Variants in KLHL29 observed in about 807,000 individuals in gnomAD.
The protein encoded by KLHL29 is kelch like family member 29.
In KLHL29, 21 loss-of-function variants were observed where a neutral mutation model predicts 80.4. The ratio of observed to expected loss-of-function variants is 0.26; its 90% CI spans 0.19 to 0.38. The LOEUF is 0.38. KLHL29 is among the 10% of genes least tolerant of loss of function. The pLI is 1.00. For synonymous variants in KLHL29, 511 were observed against 526.8 expected (o/e 0.97, Z 0.41); for missense variants, 867 against 1,223.9 (o/e 0.71, Z 4.35).
chr2:23,397,868 A>G (rs1269607694), intron 1 of KLHL29, among the ~76,000 whole-genome samples: 1 of 152,252 alleles, frequency 6.6e-6, no homozygotes, highest in East Asian at 1.9e-4. Flanking sequence ...GATGCTCCAC[A>G]TCACTAATCA....
At chr2:23,641,181 C>T (rs1033528092) in intron 4 of KLHL29, among the ~76,000 whole-genome samples, 12 of 152,208 alleles carry the variant, frequency 7.9e-5, no homozygotes, top group Admixed American at 5.2e-4. Context: ...GTTTCCCTCA[C>T]AGGCCCCCTT....
chr2:23,692,552 A>G (rs983969612), intron 7 of KLHL29, among the ~76,000 whole-genome samples: 1 of 152,250 alleles, frequency 6.6e-6, no homozygotes, highest in Non-Finnish European at 1.5e-5. Flanking sequence ...CCGTGAGGAC[A>G]GAGGGGCACC....
chr2:23,410,780 G>T (rs530894591), intron 1 of KLHL29, among the ~76,000 whole-genome samples: 1 of 152,146 alleles, frequency 6.6e-6, no homozygotes, highest in Non-Finnish European at 1.5e-5. Context: ...GCTGAGTCAA[G>T]AATGGAGGTA....
rs1663313173 is a variant in KLHL29, at chr2:23,435,521, T to C, written c.-153-40039T>C. On this transcript the variant is annotated intron_variant, in intron 1 of 13. Coordinates refer to ENST00000486442, the MANE Select transcript of KLHL29 (RefSeq NM_052920.2). ...ACAAAGAATCCACAGGGCTGGGGAATGGTTTGGGTGACATGATGAAGGGGA... is the reference window on the plus strand; with the variant it reads ...ACAAAGAATCCACAGGGCTGGGGAACGGTTTGGGTGACATGATGAAGGGGA... 3.9e-5 allele frequency among the ~76,000 whole-genome samples: 6 copies of C among 152,114 alleles called. 1 individual carries two copies. The South Asian group carries it at 1.2e-3, about 32-fold the overall frequency.
rs1260818101 is a variant in KLHL29 at position 23,681,507 on chromosome 2, A to G, written c.941-2892A>G. Among the ~76,000 whole-genome samples the G allele has an allele frequency of 6.6e-6, 1 of 152,176 alleles. No homozygotes were observed. The highest frequency in any genetic ancestry group is 1.5e-5 in the Non-Finnish European group (1 of 68,026). On this transcript the variant is annotated intron_variant, in intron 5 of 13. Coordinates refer to ENST00000486442, the MANE Select transcript of KLHL29 (RefSeq NM_052920.2). This position sits in a 1 kb window ranked among gnomAD's most constrained non-coding sequence, Gnocchi z 4.2. ...CCCTCAGGATGCCTCGGGCCCAGAA[A>G]GAGTAGGCATTTGTGTGCTGTTGTG...
rs901378031 is a variant in KLHL29 at position 23,647,518 on chromosome 2, T to C, written c.940+4668T>C. Among the ~76,000 whole-genome samples the C allele has an allele frequency of 6.6e-6, 1 of 152,152 alleles. No individual in the cohort carries two copies. The highest frequency in any genetic ancestry group is 2.4e-5 in the African/African-American group (1 of 41,424). ...TCTGAAAACTCAATCGATTCAGGTT[T>C]CTACATATGTCCTCTGCTCTTCTGT... On this transcript the variant is annotated intron_variant, in intron 5 of 13. Transcript: ENST00000486442. This position sits in a 1 kb window ranked among gnomAD's most constrained non-coding sequence, Gnocchi z 4.9.
chr2:23,552,394 A>T (rs980032571), intron 2 of KLHL29, among the ~76,000 whole-genome samples: 1 of 152,180 alleles, frequency 6.6e-6, no homozygotes, highest in Non-Finnish European at 1.5e-5. Context: ...TTGTACATCA[A>T]TCACACCTCA....
At chr2:23,487,555 T>C (rs1274005795) in intron 2 of KLHL29, among the ~76,000 whole-genome samples, 2 of 152,076 alleles carry the variant, frequency 1.3e-5, no homozygotes, top group African/African-American at 2.4e-5. Flanking sequence ...GCTCCTCCTC[T>C]CCTGCCATGC....
intron 2 of KLHL29, among the ~76,000 whole-genome samples, chr2:23,545,155 C>G (rs1037280099): frequency 3.5e-4 from 53 of 152,156 alleles, no homozygotes; most frequent in Non-Finnish European, 1.8e-4. Context: ...AGCTGCCAGC[C>G]GAGGAGGCTG....
In KLHL29 at chr2:23,682,258, C is replaced by T. The variant is rs1038889263; in HGVS notation, c.941-2141C>T. The stretch of plus-strand genomic sequence containing the variant: ...CAGCAGCACTGCACACTCCCACCCG[C>T]TGAGCGCTCCCTGTGTGCCCGCCAC... On this transcript the variant is annotated intron_variant, in intron 5 of 13. Coordinates refer to ENST00000486442, the MANE Select transcript of KLHL29 (RefSeq NM_052920.2). This position sits in a 1 kb window ranked among gnomAD's most constrained non-coding sequence, Gnocchi z 4.1. 6.6e-6 allele frequency among the ~76,000 whole-genome samples: 1 copy of T among 152,346 alleles called. No homozygotes were observed. Among genetic ancestry groups the T allele is most frequent in the Middle Eastern group, 3.4e-3 (1 of 294 alleles).
At chr2:23,456,258 G>C (rs1355961726) in intron 1 of KLHL29, among the ~76,000 whole-genome samples, 1 of 152,182 alleles carries the variant, frequency 6.6e-6, no homozygotes, top group Non-Finnish European at 1.5e-5. Context: ...TAGCTGGAGG[G>C]GGCCAAGGCA....
chr2:23,486,445 C>T lies in KLHL29; in HGVS notation c.-46+10778C>T, dbSNP rs533075293. Among the ~76,000 whole-genome samples the T allele has an allele frequency of 1.8e-4, 27 of 151,962 alleles. No homozygotes were observed. The Middle Eastern group carries it at 0.017, about 96-fold the overall frequency. On this transcript the variant is annotated intron_variant, in intron 2 of 13. Coordinates refer to ENST00000486442, the MANE Select transcript of KLHL29 (RefSeq NM_052920.2). ...TGGATCTTGTTGTTTTTATCTGCATCATGAGGGGACTGGATTTATGATCGA... is the reference window on the plus strand; with the variant it reads ...TGGATCTTGTTGTTTTTATCTGCATTATGAGGGGACTGGATTTATGATCGA...
At chr2:23,690,710 T>C (rs372496220) in intron 6 of KLHL29, 1 of 152,240 alleles carries the variant, frequency 6.6e-6, no homozygotes, top group African/African-American at 2.4e-5. Context: ...GCAGGTGTTT[T>C]TACTCCTGCT....
At chr2:23,406,809 A>G (rs1041249237) in intron 1 of KLHL29, among the ~76,000 whole-genome samples, 5 of 152,210 alleles carry the variant, frequency 3.3e-5, no homozygotes, top group African/African-American at 1.2e-4. Context: ...ATAGAGTTCT[A>G]GAAATAGAAT....
At chr2:23,625,825 G>A (rs1056838443) in intron 3 of KLHL29, among the ~76,000 whole-genome samples, 1 of 152,104 alleles carries the variant, frequency 6.6e-6, no homozygotes, top group Non-Finnish European at 1.5e-5. Context: ...TGTGAGGGTG[G>A]GGCCCACCTG....
At chr2:23,670,165 A>G in intron 5 of KLHL29, 1 of 152,116 alleles carries the variant, frequency 6.6e-6, no homozygotes, top group East Asian at 1.9e-4. Context: ...GGGGAGGGAA[A>G]GGCGGCGGCT....
At chr2:23,637,974 CG>C (rs1294377174) in intron 3 of KLHL29, among the ~76,000 whole-genome samples, 1 of 151,796 alleles carries the variant, frequency 6.6e-6, no homozygotes, top group Non-Finnish European at 1.5e-5. Context: ...TGACTCTTCC[CG>C]GGGCCACCTC....
chr2:23,608,537 T>C (rs1404669451), intron 3 of KLHL29, among the ~76,000 whole-genome samples: 2 of 152,208 alleles, frequency 1.3e-5, no homozygotes, highest in Non-Finnish European at 2.9e-5. Flanking sequence ...AAGTTAGAGC[T>C]ATAATTCACA....
chr2:23,583,072 G>A (rs1037641619), intron 3 of KLHL29, among the ~76,000 whole-genome samples: 2 of 152,176 alleles, frequency 1.3e-5, no homozygotes, highest in Non-Finnish European at 1.5e-5. Flanking sequence ...AATGCCTGGA[G>A]CCACCAGAAC....
Sources: gnomAD v4.1 joint callset for allele counts (sites outside exome capture counted in the v4.1 genomes callset) on GRCh38, gnomAD v4.1.1 for gene constraint, Gnocchi (gnomAD v3.1) non-coding constraint, MANE v1.5 for transcripts, NCBI Gene and HGNC (gene_info 2026-07-23, HGNC 2026-07-21) for gene names.